The following IGF1R variants were observed in gnomAD, a reference collection of about 807,000 sequenced individuals.
IGF1R encodes insulin like growth factor 1 receptor, also known as insulin-like growth factor 1 receptor.
A neutral mutation model predicts 144.6 loss-of-function variants in IGF1R; 44 were observed. That is an observed-to-expected ratio of 0.30 (90% CI 0.24 to 0.39). The LOEUF is 0.39. IGF1R is among the 10% of genes least tolerant of loss of function. IGF1R has a pLI of 1.00. For synonymous variants in IGF1R, 795 were observed against 722.8 expected, an observed-to-expected ratio of 1.10 and a Z score of -1.60; for missense variants, 1,355 against 1,833.7, an observed-to-expected ratio of 0.74 and a Z score of 4.77.
At chr15:98,772,779 G>C (rs887768057) in intron 2 of IGF1R, among the ~76,000 whole-genome samples, 76 of 151,372 alleles carry the variant, frequency 5.0e-4, no homozygotes, top group African/African-American at 1.8e-3. Context: ...TCAATAACAG[G>C]AACACCAGTC....
chr15:98,709,820 A>C (rs993795875), intron 2 of IGF1R, among the ~76,000 whole-genome samples: 4 of 152,134 alleles, frequency 2.6e-5, no homozygotes, highest in African/African-American at 9.7e-5. Flanking sequence ...CTCTTTAGAG[A>C]AGGGAGGTGC....
At chr15:98,933,284 A>C (rs150124709) in intron 15 of IGF1R, among the ~76,000 whole-genome samples, 56 of 152,184 alleles carry the variant, frequency 3.7e-4, no homozygotes, top group African/African-American at 1.2e-3. Flanking sequence ...TTTCTTTCCA[A>C]CCTTTTTCCT....
chr15:98,855,618 A>G (rs2141571204), intron 2 of IGF1R, among the ~76,000 whole-genome samples: 1 of 152,298 alleles, frequency 6.6e-6, no homozygotes, highest in East Asian at 1.9e-4. Flanking sequence ...CCCTTGACAA[A>G]TATTGATCCA....
chr15:98,860,997 T>C (rs552894147), intron 2 of IGF1R, among the ~76,000 whole-genome samples: 1 of 152,302 alleles, frequency 6.6e-6, no homozygotes, highest in East Asian at 1.9e-4. Context: ...ATAAATTTAT[T>C]CCTTTGCATG....
intron 2 of IGF1R, among the ~76,000 whole-genome samples, chr15:98,887,634 C>A (rs1052662073): frequency 6.6e-6 from 1 of 152,180 alleles, no homozygotes; most frequent in Admixed American, 6.5e-5. Flanking sequence ...AGAGCAGCCT[C>A]GGTGCTCCAA....
chr15:98,746,027 A>G (rs2054856108), intron 2 of IGF1R, among the ~76,000 whole-genome samples: 1 of 152,238 alleles, frequency 6.6e-6, no homozygotes, highest in African/African-American at 2.4e-5. Flanking sequence ...ACAAAATGGA[A>G]TGCTCTGCTG....
intron 20 of IGF1R, among the ~76,000 whole-genome samples, chr15:98,955,181 C>T (rs2016929740): frequency 6.6e-6 from 1 of 152,224 alleles, no homozygotes; most frequent in Non-Finnish European, 1.5e-5. Context: ...ACACACATAA[C>T]TGCCTCGCTG....
At chr15:98,900,043 G>A (rs2014403018) in intron 5 of IGF1R, among the ~76,000 whole-genome samples, 1 of 152,198 alleles carries the variant, frequency 6.6e-6, no homozygotes, top group East Asian at 1.9e-4. Context: ...CATCTTTTAA[G>A]ATATTGGAAG....
chr15:98,655,963 G>A (rs1434498806), intron 1 of IGF1R, among the ~76,000 whole-genome samples: 1 of 152,192 alleles, frequency 6.6e-6, no homozygotes. Flanking sequence ...GGAGGGCTGG[G>A]ATCACAGGTG....
intron 2 of IGF1R, among the ~76,000 whole-genome samples, chr15:98,758,594 T>C (rs2055216665): frequency 6.6e-6 from 1 of 152,224 alleles, no homozygotes; most frequent in Non-Finnish European, 1.5e-5. Flanking sequence ...CCCCCTTCCC[T>C]CTGGTTTCAC....
chr15:98,778,489 T>C (rs997347881), intron 2 of IGF1R, among the ~76,000 whole-genome samples: 1 of 152,184 alleles, frequency 6.6e-6, no homozygotes, highest in African/African-American at 2.4e-5. Flanking sequence ...ATTAGCCAAA[T>C]GGTGCAGAAA....
At chr15:98,809,108 C>T (rs749398372) in intron 2 of IGF1R, among the ~76,000 whole-genome samples, 24 of 152,206 alleles carry the variant, frequency 1.6e-4, no homozygotes, top group Non-Finnish European at 2.6e-4. Context: ...AAAGAAAACC[C>T]TGACGAGGTC....
intron 2 of IGF1R, among the ~76,000 whole-genome samples, chr15:98,728,667 G>T (rs900531588): frequency 2.6e-5 from 4 of 152,260 alleles, no homozygotes; most frequent in African/African-American, 9.6e-5. Context: ...CCGCCTGGGC[G>T]GGGTCAGGCC....
At chr15:98,678,772 C>A (rs1197055561) in intron 1 of IGF1R, among the ~76,000 whole-genome samples, 1 of 152,144 alleles carries the variant, frequency 6.6e-6, no homozygotes, top group Non-Finnish European at 1.5e-5. Context: ...GGTCCACCTG[C>A]CTTCGCCTCC....
chr15:98,703,899 G>T (rs2053796886), intron 1 of IGF1R, among the ~76,000 whole-genome samples: 1 of 152,218 alleles, frequency 6.6e-6, no homozygotes, highest in African/African-American at 2.4e-5. Flanking sequence ...TATACAGGTT[G>T]AGCCTGTCTA....
chr15:98,762,122 A>G (rs758573876), intron 2 of IGF1R, among the ~76,000 whole-genome samples: 22 of 152,234 alleles, frequency 1.4e-4, no homozygotes, highest in Non-Finnish European at 2.4e-4. Context: ...GGTCTGAATG[A>G]TATGTAATCC....
rs887120295 is a variant in IGF1R at position 98,964,453 on chromosome 15, A to C, written c.*7011A>C. 5.7e-5 allele frequency: 13 copies of C among 226,310 alleles called. No individual in the cohort carries two copies. Among genetic ancestry groups the C allele is most frequent in the African/African-American group, 1.1e-4 (5 of 44,914 alleles). The allele number at this position is 226,310 out of a possible 1,614,324, so 14.0% of individuals were successfully genotyped here. ...TATTTTGAATGGCTGAAGCTAAGGCAACGTTAGTTTCTCTTACTCTGCTTT... is the reference window on the plus strand; with the variant it reads ...TATTTTGAATGGCTGAAGCTAAGGCCACGTTAGTTTCTCTTACTCTGCTTT... On this transcript the variant is annotated 3_prime_UTR_variant, in exon 21 of 21. Coordinates refer to ENST00000650285, the MANE Select transcript of IGF1R (RefSeq NM_000875.5).
intron 1 of IGF1R, among the ~76,000 whole-genome samples, chr15:98,676,916 AT>A (rs896197408): frequency 6.6e-6 from 1 of 151,632 alleles, no homozygotes; most frequent in African/African-American, 2.4e-5. Flanking sequence ...ATATTTTTAA[AT>A]TTTTTTTCAA....
intron 1 of IGF1R, among the ~76,000 whole-genome samples, chr15:98,658,268 T>C (rs931106108): frequency 3.9e-5 from 6 of 152,206 alleles, no homozygotes; most frequent in Non-Finnish European, 8.8e-5. Flanking sequence ...CCTTCCATCC[T>C]CAATACTGAA....
Sources: allele counts gnomAD v4.1 joint callset (sites outside exome capture counted in the v4.1 genomes callset), GRCh38; gene constraint gnomAD v4.1.1; transcripts MANE v1.5; gene names NCBI Gene and HGNC (gene_info 2026-07-23, HGNC 2026-07-21).